The following PRPF18 variants were observed in gnomAD, a reference collection of about 807,000 sequenced individuals.
The protein encoded by PRPF18 is pre-mRNA processing factor 18.
A neutral mutation model predicts 46.5 loss-of-function variants in PRPF18; 38 were observed. The ratio of observed to expected loss-of-function variants is 0.82; its 90% CI spans 0.63 to 1.07. PRPF18 has a LOEUF of 1.07. PRPF18 is among the 50% of genes least tolerant of loss of function. PRPF18 has a pLI of 0.00. For missense variants in PRPF18, 263 were observed against 410.0 expected (o/e 0.64, Z 3.10); for synonymous variants, 152 against 146.7 (o/e 1.04, Z -0.26).
At chr10:13,597,246 T>C (rs1344299544) in intron 1 of PRPF18, among the ~76,000 whole-genome samples, 1 of 152,198 alleles carries the variant, frequency 6.6e-6, no homozygotes, top group Non-Finnish European at 1.5e-5. Context: ...TACTTGAACT[T>C]ACCACATATC....
At chr10:13,600,198 CTA>C in intron 2 of PRPF18, 44 bp from the exon 3 acceptor site, 2 of 1,403,324 alleles carry the variant, frequency 1.4e-6, no homozygotes, top group African/African-American at 1.5e-5. Context: ...TAAATATCAA[CTA>C]TATTTTTAAA....
chr10:13,647,058 G>A, the PRPF18 span: 1 of 680,230 alleles, frequency 1.5e-6, no homozygotes, highest in African/African-American at 2.0e-5. Context: ...CAAGAAAGGA[G>A]ATGAGACAGT....
chr10:13,608,075 G>A (rs2080215574), intron 4 of PRPF18, among the ~76,000 whole-genome samples: 1 of 152,130 alleles, frequency 6.6e-6, no homozygotes, highest in Admixed American at 6.5e-5. Flanking sequence ...ACTAGTGTTT[G>A]TTTATTTATT....
chr10:13,622,484 C>A (rs2080434725), intron 9 of PRPF18, among the ~76,000 whole-genome samples: 1 of 152,198 alleles, frequency 6.6e-6, no homozygotes. Context: ...ACCTGGTACT[C>A]ACGTAAATGA....
chr10:13,587,307 A>T, intron 1 of PRPF18, 155 bp downstream of exon 1: 1 of 755,198 alleles, frequency 1.3e-6, no homozygotes, highest in Admixed American at 2.2e-5. Context: ...CTTAGATCCA[A>T]CCCTTGGCGT....
intron 9 of PRPF18, among the ~76,000 whole-genome samples, chr10:13,626,478 A>G (rs2080506329): frequency 6.6e-6 from 1 of 152,238 alleles, no homozygotes; most frequent in Non-Finnish European, 1.5e-5. Context: ...CTTTATAAGG[A>G]AAACCCTGAA....
chr10:13,602,185 A>G (rs888380520), intron 3 of PRPF18, among the ~76,000 whole-genome samples: 1 of 152,184 alleles, frequency 6.6e-6, no homozygotes, highest in Non-Finnish European at 1.5e-5. Context: ...ATTATTTTAA[A>G]TTTTTGCCAA....
chr10:13,600,444 G>T, intron 3 of PRPF18, 96 bp downstream of exon 3: 3 of 879,390 alleles, frequency 3.4e-6, no homozygotes, highest in Non-Finnish European at 1.6e-6. Context: ...ATTATTTCCT[G>T]CGTAAAATGA....
chr10:13,614,118 A>C, intron 8 of PRPF18, 32 bp downstream of exon 8: 1 of 1,472,342 alleles, frequency 6.8e-7, no homozygotes, highest in Non-Finnish European at 9.3e-7. Context: ...TGAAATTGTT[A>C]AGAGTATATC....
Position 13,613,827 on chromosome 10 carries a change from C to T in PRPF18, c.666C>T (p.Thr222=), listed in dbSNP as rs759609274. ...TGCAGGGTAAACTGAACAGTGCGAC[C>T]CAGAAACAGACCGAGTCCTACCTAA... The part of the protein sequence containing the change: ...RSVQGKLNSA[T]QKQTESYLRP... Residue 222 remains threonine, a synonymous_variant, in exon 7 of 10, where the codon ACC becomes ACT. Transcript: ENST00000378572. The T allele has an allele frequency of 1.5e-5, 24 of 1,614,002 alleles. No individual in the cohort carries two copies. Among genetic ancestry groups the T allele is most frequent in the Non-Finnish European group, 1.9e-5 (23 of 1,179,966 alleles).
At chr10:13,624,277 C>A (rs1022318374) in intron 9 of PRPF18, among the ~76,000 whole-genome samples, 1 of 152,238 alleles carries the variant, frequency 6.6e-6, no homozygotes, top group African/African-American at 2.4e-5. Flanking sequence ...CGCAGCTGGC[C>A]TCACCAATTA....
rs149537438 is a variant in PRPF18 at position 13,618,555 on chromosome 10, G to A, written c.948+2002G>A. 1.2e-3 allele frequency among the ~76,000 whole-genome samples: 164 copies of A among 131,984 alleles called. 1 individual carries two copies. The highest frequency in any genetic ancestry group is 4.3e-3 in the African/African-American group (155 of 35,826). 86.6% of individuals were successfully genotyped at this position (131,984 alleles called of 152,430 possible). ...GCAGAAGGATCTCTTCAGCCTGGGA[G>A]TTCAAGGTTGCAGTGATTTGTGATT... On this transcript the variant is annotated intron_variant, in intron 9 of 9. Coordinates refer to ENST00000378572, the MANE Select transcript of PRPF18 (RefSeq NM_003675.4).
chr10:13,597,409 A>G (rs1276077696), intron 1 of PRPF18, 49 bp from the exon 2 acceptor site: 2 of 1,334,910 alleles, frequency 1.5e-6, no homozygotes, highest in Non-Finnish European at 1.0e-6. Context: ...ATGGGACATG[A>G]AATTTTGCTC....
At chr10:13,649,723 G>A in the PRPF18 span, 2 of 152,168 alleles carry the variant, frequency 1.3e-5, no homozygotes, top group Non-Finnish European at 2.9e-5. Flanking sequence ...CCTTGTTCTG[G>A]CTGCTCAGCT....
chr10:13,590,375 G>A (rs1240106139), intron 1 of PRPF18, among the ~76,000 whole-genome samples: 3 of 150,868 alleles, frequency 2.0e-5, no homozygotes, highest in Non-Finnish European at 4.4e-5. Flanking sequence ...GGAGCCTGGG[G>A]TGGGCAGATC....
the PRPF18 span, chr10:13,637,266 C>T: frequency 6.6e-6 from 1 of 152,196 alleles, no homozygotes; most frequent in East Asian, 1.9e-4. Flanking sequence ...AAAGGAAAAC[C>T]TTATACCAGT....
At chr10:13,608,199 T>C (rs998246687) in intron 4 of PRPF18, among the ~76,000 whole-genome samples, 5 of 152,242 alleles carry the variant, frequency 3.3e-5, no homozygotes, top group South Asian at 2.1e-4. Flanking sequence ...TGTGGTTTTA[T>C]TGGGCTGGAT....
Position 13,630,583 on chromosome 10 carries a change from C to A in PRPF18, c.*243C>A. 3.5e-6 allele frequency: 1 copy of A among 282,610 alleles called. No homozygotes were observed. The highest frequency in any genetic ancestry group is 1.2e-4 in the South Asian group (1 of 8,458). 17.5% of individuals were successfully genotyped at this position (282,610 alleles called of 1,614,324 possible). A position where few individuals can be genotyped will look rare whatever the true frequency, so the allele number is the denominator to read the frequency against. On this transcript the variant is annotated 3_prime_UTR_variant, in exon 10 of 10. Transcript: ENST00000378572. ...CCAAAATTAAGTTTTAAAGATTTTTCCTCACAATTTAAATCCATAGACAAC... is the reference window on the plus strand; with the variant it reads ...CCAAAATTAAGTTTTAAAGATTTTTACTCACAATTTAAATCCATAGACAAC...
At chr10:13,626,312 A>G (rs1307901805) in intron 9 of PRPF18, among the ~76,000 whole-genome samples, 4 of 152,194 alleles carry the variant, frequency 2.6e-5, no homozygotes, top group African/African-American at 7.2e-5. Context: ...ATTCCCTGGC[A>G]TGTCTGATCA....
Sources: allele counts gnomAD v4.1 joint callset (sites outside exome capture counted in the v4.1 genomes callset), GRCh38; gene constraint gnomAD v4.1.1; transcripts MANE v1.5; gene names NCBI Gene and HGNC (gene_info 2026-07-23, HGNC 2026-07-21).